The following CACNA1H variants were observed in gnomAD, a reference collection of about 807,000 sequenced individuals.
CACNA1H encodes the protein calcium voltage-gated channel subunit alpha1 H, also known as voltage-dependent T-type calcium channel subunit alpha-1H.
CACNA1H carries 149 observed loss-of-function variants against 192.5 expected under a neutral mutation model. The observed-to-expected ratio is 0.77, with a 90% CI of 0.68 to 0.89. The LOEUF is 0.89. Among genes scored for constraint, CACNA1H ranks in the 40% least tolerant of loss-of-function variants. CACNA1H has a pLI of 0.00. For missense variants in CACNA1H, 4,257 were observed against 3,423.5 expected, an observed-to-expected ratio of 1.24 and a Z score of -6.08; for synonymous variants, 2,202 against 1,475.2, an observed-to-expected ratio of 1.49 and a Z score of -11.29.
rs1165775802 is a variant in CACNA1H at position 1,202,413 on chromosome 16, G to A, written c.1963G>A (p.Asp655Asn). ...CGGCCCGTTGAGCTTGAACAGCCCT[G>A]ATCCCTACGAGAAGATCCCGCATGT... ...GHGPLSLNSP[D>N]PYEKIPHVVG... The change falls in exon 9 of 35, where the codon GAT (aspartate) becomes AAT (asparagine). Residue 655 changes from aspartate to asparagine, a missense_variant. Physicochemically the swap from Asp to Asn is conservative, Grantham distance 23. Coordinates refer to ENST00000348261, the MANE Select transcript of CACNA1H (RefSeq NM_021098.3). 5 of 1,526,112 alleles carry A rather than the reference G, an allele frequency of 3.3e-6. No individual in the cohort carries two copies. The highest frequency in any genetic ancestry group is 2.6e-6 in the Non-Finnish European group (3 of 1,134,296). 94.5% of individuals were successfully genotyped at this position (1,526,112 alleles called of 1,614,324 possible). A position where few individuals can be genotyped will look rare whatever the true frequency, so the allele number is the denominator to read the frequency against.
rs1288966510 is a variant in CACNA1H, at chr16:1,153,842, G to A, written c.105G>A (p.Ala35=). ...GGGCGTCCCCGGAGAGCCCCGGGGC[G>A]CCGGGACGCGAGGCGGAGCGGGGGT... is the stretch of plus-strand genomic sequence containing the variant. ...LVGASPESPG[A]PGREAERGSE... is the part of the protein sequence containing the mutation. The change falls in exon 2 of 35, where the codon GCG becomes GCA. Residue 35 remains alanine (A), a synonymous_variant. Coordinates refer to ENST00000348261, the MANE Select transcript of CACNA1H (RefSeq NM_021098.3). 5 of 1,317,492 alleles carry A rather than the reference G, an allele frequency of 3.8e-6. No individual in the cohort carries two copies. The Admixed American group carries it at 2.0e-4, about 52-fold the overall frequency. 81.6% of individuals were successfully genotyped at this position (1,317,492 alleles called of 1,614,324 possible). A position where few individuals can be genotyped will look rare whatever the true frequency, so the allele number is the denominator to read the frequency against.
chr16:1,199,565 C>T (rs528756943), intron 6 of CACNA1H, among the ~76,000 whole-genome samples: 4 of 150,992 alleles, frequency 2.6e-5, no homozygotes, highest in Admixed American at 6.6e-5. Context: ...AACACTTCAT[C>T]CCCTCCCCAC....
rs1967654574 is a variant in CACNA1H at position 1,200,155 on chromosome 16, GTCCCTGACCTTGATCA to G, written c.804-100_804-85del. The G allele has an allele frequency of 6.3e-6, 6 of 948,244 alleles. No homozygotes were observed. In the African/African-American group the frequency reaches 1.3e-4, roughly 21 times the overall value. The allele number at this position is 948,244 out of a possible 1,614,324, so 58.7% of individuals were successfully genotyped here. A position where few individuals can be genotyped will look rare whatever the true frequency, so the allele number is the denominator to read the frequency against. ...GTCCACTGGCCCTGACCCTGATCAC[GTCCCTGACCTTGATCA>G]CGTCCCTGATCACAATCGTGCCCCC... On this transcript the variant is annotated intron_variant, in intron 6 of 34. Transcript: ENST00000348261.
At chr16:1,202,523 T>C in intron 9 of CACNA1H, 71 bp downstream of exon 9, 1 of 1,315,892 alleles carries the variant, frequency 7.6e-7, no homozygotes, top group Non-Finnish European at 1.0e-6. Context: ...CTCCGGTGTG[T>C]CATTCCCACA....
chr16:1,212,533 C>A lies in CACNA1H; in HGVS notation c.4777+5C>A, dbSNP rs370513262. 2 of 1,610,534 alleles carry A rather than the reference C, an allele frequency of 1.2e-6. No homozygotes were observed. Among genetic ancestry groups the A allele is most frequent in the East Asian group, 2.2e-5 (1 of 44,758 alleles). On this transcript the variant is annotated splice_donor_5th_base_variant and intron_variant, in intron 26 of 34. Transcript: ENST00000348261. Reference sequence around the variant, plus strand: ...CAGGCACTTTCCCCAGCCCAGGTACCGGCCCTGTCCCGCATGCCTCAGGCC... The same window carrying A: ...CAGGCACTTTCCCCAGCCCAGGTACAGGCCCTGTCCCGCATGCCTCAGGCC...
chr16:1,206,270 C>T lies in CACNA1H; in HGVS notation c.2770C>T (p.Leu924Phe). 1 of 1,562,164 alleles carries T rather than the reference C, an allele frequency of 6.4e-7. No individual in the cohort carries two copies. The highest frequency in any genetic ancestry group is 8.7e-7 in the Non-Finnish European group (1 of 1,154,368). ...GGCTACCTTCTGCACGCTGCTCATG[C>T]TCTTCATTTTCATCTTCAGGTGGGC... The part of the protein sequence containing the change: ...NVATFCTLLM[L>F]FIFIFSILGM... The change falls in exon 12 of 35, where the codon CTC becomes TTC. Residue 924 changes from leucine to phenylalanine, a missense_variant. Coordinates refer to ENST00000348261, the MANE Select transcript of CACNA1H (RefSeq NM_021098.3).
chr16:1,200,831 G>T, intron 8 of CACNA1H, 23 bp downstream of exon 8: 1 of 1,532,898 alleles, frequency 6.5e-7, no homozygotes, highest in Non-Finnish European at 8.8e-7. Flanking sequence ...GGCAGTGTTC[G>T]CCATGATGGG....
At chr16:1,214,088 T>A (rs1050163085) in intron 27 of CACNA1H, among the ~76,000 whole-genome samples, 157 bp downstream of exon 27, 2 of 151,956 alleles carry the variant, frequency 1.3e-5, no homozygotes, top group African/African-American at 4.8e-5. Flanking sequence ...CTTTTAATGT[T>A]GATTGAAACT....
chr16:1,198,510 C>A, intron 5 of CACNA1H, 105 bp from the exon 6 acceptor site: 1 of 1,260,644 alleles, frequency 7.9e-7, no homozygotes, highest in Non-Finnish European at 1.1e-6. Flanking sequence ...GCGTGGACAC[C>A]CACTGTGAAC....
At position 1,204,456 on chromosome 16, in the gene CACNA1H, C is replaced by T; in HGVS notation, c.2449C>T (p.Gln817Ter). Residue 817 changes from glutamine (Q) to a stop codon, truncating the protein, a stop_gained and splice_region_variant, in exon 10 of 35, where the codon CAG becomes TAG. Transcript: ENST00000348261. LOFTEE classifies it high-confidence loss of function. ...GAGCATGGGCGTGGAGTACCATGAG[C>T]AGGTGCGGGCTGGCCTGGCCACGGG... Reference protein sequence around the residue: ...TLSMGVEYHEQPEELTNALEI... With the variant: ...TLSMGVEYHE 6.5e-7 allele frequency: 1 copy of T among 1,528,660 alleles called. No individual in the cohort carries two copies. The highest frequency in any genetic ancestry group is 8.8e-7 in the Non-Finnish European group (1 of 1,138,346). 94.7% of individuals were successfully genotyped at this position (1,528,660 alleles called of 1,614,324 possible). A position where few individuals can be genotyped will look rare whatever the true frequency, so the allele number is the denominator to read the frequency against.
In CACNA1H at chr16:1,209,099, G is replaced by C. The variant is rs894318920; in HGVS notation, c.3431G>C (p.Ser1144Thr). The C allele has an allele frequency of 6.4e-7, 1 of 1,550,584 alleles. No individual in the cohort carries two copies. Among genetic ancestry groups the C allele is most frequent in the Non-Finnish European group, 8.7e-7 (1 of 1,150,784 alleles). Residue 1144 changes from serine (S) to threonine (T), a missense_variant, in exon 17 of 35, where the codon AGC becomes ACC. Ser to Thr is a moderately conservative substitution (Grantham distance 58). Coordinates refer to ENST00000348261, the MANE Select transcript of CACNA1H (RefSeq NM_021098.3). ...GGCGCCTGGAGCAGCCGGCGCTCCA[G>C]CTGGAGCAGCCTGGGCCGTGCCCCC... ...PSGAWSSRRS[S>T]WSSLGRAPSL...
chr16:1,201,931 C>G lies in CACNA1H; in HGVS notation c.1481C>G (p.Ala494Gly), dbSNP rs1967977401. Residue 494 changes from alanine (A) to glycine (G), a missense_variant, in exon 9 of 35, where the codon GCT becomes GGT. Ala to Gly is a moderately conservative substitution (Grantham distance 60). Transcript: ENST00000348261. ...TGGCGCAAGAAGGTGGACCCCAGTG[C>G]TGTGCAAGGCCAGGGTCCCGGGCAC... The part of the protein sequence containing the change: ...SRWRKKVDPS[A>G]VQGQGPGHRQ... 8 of 1,549,436 alleles carry G rather than the reference C, an allele frequency of 5.2e-6. No individual in the cohort carries two copies. The highest frequency in any genetic ancestry group is 7.0e-6 in the Non-Finnish European group (8 of 1,146,648).
At chr16:1,200,923 C>A in intron 8 of CACNA1H, 115 bp downstream of exon 8, 2 of 747,878 alleles carry the variant, frequency 2.7e-6, no homozygotes, top group Non-Finnish European at 4.5e-6. Flanking sequence ...CTGAAGGGAG[C>A]ACACAGGGGA....
intron 2 of CACNA1H, among the ~76,000 whole-genome samples, chr16:1,163,161 G>A (rs934260082): frequency 2.0e-5 from 3 of 152,236 alleles, no homozygotes; most frequent in Non-Finnish European, 4.4e-5. Flanking sequence ...GCCGATCCTG[G>A]GTCCGGAGAG....
Position 1,210,223 on chromosome 16 carries a change from T to C in CACNA1H, c.3845+88T>C, listed in dbSNP as rs1376580963. ...GTCCCTCCTGGGTGGGGCTAGCACATGGTGGATATTTCCGAGTGGGCACCC... is the reference window on the plus strand; with the variant it reads ...GTCCCTCCTGGGTGGGGCTAGCACACGGTGGATATTTCCGAGTGGGCACCC... On this transcript the variant is annotated intron_variant, in intron 18 of 34. Coordinates refer to ENST00000348261, the MANE Select transcript of CACNA1H (RefSeq NM_021098.3). 10 of 1,285,674 alleles carry C rather than the reference T, an allele frequency of 7.8e-6. No individual in the cohort carries two copies. The Admixed American group carries it at 1.8e-4, about 23-fold the overall frequency. The allele number at this position is 1,285,674 out of a possible 1,614,324, so 79.6% of individuals were successfully genotyped here.
rs1243283601 is a variant in CACNA1H, at chr16:1,200,400, C to T, written c.948C>T (p.Thr316=). The part of the protein sequence containing the change: ...PGRRELRMPC[T]LGWEAYTQPQ... ...GCCGCGAGCTGCGCATGCCCTGCAC[C>T]CTGGGCTGGGAGGCCTACACGCAGC... is the stretch of plus-strand genomic sequence containing the variant. The change falls in exon 7 of 35, where the codon ACC becomes ACT. Residue 316 remains threonine, a synonymous_variant. Coordinates refer to ENST00000348261, the MANE Select transcript of CACNA1H (RefSeq NM_021098.3). 1.1e-5 allele frequency: 17 copies of T among 1,607,952 alleles called. No homozygotes were observed. Among genetic ancestry groups the T allele is most frequent in the Non-Finnish European group, 1.4e-5 (16 of 1,178,446 alleles).
Position 1,219,665 on chromosome 16 carries a change from G to T in CACNA1H, c.6049-316G>T, listed in dbSNP as rs529712426. ...GAGCAGTTAGGAGAGCCCCATCCTGGGGGTGCCCAGCTGGGCTGCTGATGT... is the reference window on the plus strand; with the variant it reads ...GAGCAGTTAGGAGAGCCCCATCCTGTGGGTGCCCAGCTGGGCTGCTGATGT... On this transcript the variant is annotated intron_variant, in intron 34 of 34. Coordinates refer to ENST00000348261, the MANE Select transcript of CACNA1H (RefSeq NM_021098.3). Among the ~76,000 whole-genome samples the T allele has an allele frequency of 4.6e-5, 7 of 152,334 alleles. No individual in the cohort carries two copies. The East Asian group carries it at 7.7e-4, about 17-fold the overall frequency.
At chr16:1,156,560 G>A (rs1260622706) in intron 2 of CACNA1H, among the ~76,000 whole-genome samples, 3 of 152,064 alleles carry the variant, frequency 2.0e-5, no homozygotes, top group Non-Finnish European at 2.9e-5. Context: ...GGCGACTGGT[G>A]TGGCTGGGGT....
Position 1,211,241 on chromosome 16 carries a change from A to G in CACNA1H, c.4297A>G (p.Ile1433Val), listed in dbSNP as rs1248752014. The G allele has an allele frequency of 4.3e-6, 7 of 1,612,970 alleles. No homozygotes were observed. Among genetic ancestry groups the G allele is most frequent in the Non-Finnish European group, 5.9e-6 (7 of 1,179,758 alleles). Reference protein sequence around the residue: ...LISSLRPIGNIVLICCAFFII... With the variant: ...LISSLRPIGNVVLICCAFFII... Reference sequence around the variant, plus strand: ...ATCATCACTCAGGCCCATTGGGAACATCGTCCTCATCTGCTGCGCCTTCTT... The same window carrying G: ...ATCATCACTCAGGCCCATTGGGAACGTCGTCCTCATCTGCTGCGCCTTCTT... The change falls in exon 22 of 35, where the codon ATC (isoleucine) becomes GTC (valine). Residue 1433 changes from isoleucine (I) to valine (V), a missense_variant. Coordinates refer to ENST00000348261, the MANE Select transcript of CACNA1H (RefSeq NM_021098.3).
Sources: allele counts gnomAD v4.1 joint callset (sites outside exome capture counted in the v4.1 genomes callset), GRCh38; gene constraint gnomAD v4.1.1; transcripts MANE v1.5; gene names NCBI Gene and HGNC (gene_info 2026-07-23, HGNC 2026-07-21).